DAB1: variants seen among roughly 807,000 people sequenced by gnomAD.
DAB1 encodes the protein disabled homolog 1.
A neutral mutation model predicts 64.6 loss-of-function variants in DAB1; 15 were observed. That is an observed-to-expected ratio of 0.23 (90% CI 0.16 to 0.36). The LOEUF is 0.36. Ranked by LOEUF, DAB1 falls within the 10% of genes least tolerant of loss-of-function variation. The pLI, the probability that DAB1 is intolerant of heterozygous loss-of-function variation, is 1.00. For synonymous variants in DAB1, 235 were observed against 251.9 expected (o/e 0.93, Z 0.64); for missense variants, 596 against 706.7 (o/e 0.84, Z 1.78).
intron 11 of DAB1, among the ~76,000 whole-genome samples, chr1:57,017,776 GC>G (rs1646482862): frequency 6.6e-6 from 1 of 152,216 alleles, no homozygotes; most frequent in Non-Finnish European, 1.5e-5. Flanking sequence ...CAAACGTGAA[GC>G]TTGCTTAGCT....
At chr1:57,163,352 G>A (rs999603428) in intron 2 of DAB1, among the ~76,000 whole-genome samples, 1 of 152,118 alleles carries the variant, frequency 6.6e-6, no homozygotes, top group Non-Finnish European at 1.5e-5. Flanking sequence ...TTTGAAAGGA[G>A]ATGTGAACAA....
At chr1:58,233,440 T>A (rs1038395799) in intron 4 of DAB1, among the ~76,000 whole-genome samples, 5 of 152,114 alleles carry the variant, frequency 3.3e-5, no homozygotes, top group Admixed American at 6.6e-5. Context: ...CCGATCACCA[T>A]ATGGAGCCCC....
At chr1:57,511,090 T>G (rs1644399986) in intron 7 of DAB1, among the ~76,000 whole-genome samples, 1 of 152,206 alleles carries the variant, frequency 6.6e-6, no homozygotes, top group Admixed American at 6.5e-5. Flanking sequence ...GACCATCTCT[T>G]GACTGGATGA....
intron 7 of DAB1, among the ~76,000 whole-genome samples, chr1:57,563,961 T>C (rs1474599875): frequency 1.3e-5 from 2 of 152,096 alleles, no homozygotes; most frequent in Non-Finnish European, 2.9e-5. Flanking sequence ...AGCAAGGAGT[T>C]TGAGATCTGA....
chr1:57,740,746 TTGTC>T (rs1647949285), intron 6 of DAB1, among the ~76,000 whole-genome samples: 1 of 152,212 alleles, frequency 6.6e-6, no homozygotes, highest in Admixed American at 6.5e-5. Flanking sequence ...GCGATTCTGA[TTGTC>T]TGCTGTCTTC....
intron 5 of DAB1, among the ~76,000 whole-genome samples, chr1:57,949,511 ATCTGTCTG>A (rs754240342): frequency 2.2e-5 from 3 of 137,128 alleles, no homozygotes; most frequent in South Asian, 2.4e-4. Context: ...ATCTATCTAT[ATCTGTCTG>A]TCTGTCTGTC....
chr1:57,557,064 G>A (rs973157578), intron 7 of DAB1, among the ~76,000 whole-genome samples: 6 of 152,110 alleles, frequency 3.9e-5, no homozygotes, highest in Admixed American at 6.6e-5. Context: ...TTGGATTGAA[G>A]GACATAAAGT....
rs1276442151 is a variant in DAB1 at position 57,111,824 on chromosome 1, T to C, written c.306+24719A>G. ...AATCCTTAGTGCTTATTATAGGTGA[T>C]CAATACATAGTTGCTGTATAGATAA... On this transcript the variant is annotated intron_variant, in intron 4 of 14. Coordinates refer to ENST00000371236, the MANE Select transcript of DAB1 (RefSeq NM_001365792.1). Among the ~76,000 whole-genome samples the C allele has an allele frequency of 3.9e-5, 6 of 152,306 alleles. No homozygotes were observed. The East Asian group carries it at 7.7e-4, about 20-fold the overall frequency.
chr1:58,039,788 T>C (rs775073409), intron 5 of DAB1, among the ~76,000 whole-genome samples: 167 of 152,266 alleles, frequency 1.1e-3, no homozygotes, highest in Middle Eastern at 3.4e-3. Context: ...TTTTCTCTTC[T>C]TTCTACAGGG....
intron 5 of DAB1, among the ~76,000 whole-genome samples, chr1:57,915,521 G>A (rs1644713255): frequency 6.6e-6 from 1 of 152,052 alleles, no homozygotes; most frequent in Admixed American, 6.5e-5. Context: ...GTAAGCCATT[G>A]AAATTTCATA....
At chr1:57,771,425 T>C (rs1319300782) in intron 6 of DAB1, among the ~76,000 whole-genome samples, 2 of 152,150 alleles carry the variant, frequency 1.3e-5, no homozygotes, top group African/African-American at 4.8e-5. Flanking sequence ...AGTGCTCTGA[T>C]TGGCTATTTG....
chr1:57,070,851 A>T, intron 7 of DAB1, 172 bp downstream of exon 7: 1 of 668,108 alleles, frequency 1.5e-6, no homozygotes, highest in Admixed American at 2.4e-5. Context: ...AACTTCTGTT[A>T]GTTTTTATGG....
chr1:58,132,114 C>T (rs1653635438), intron 5 of DAB1, among the ~76,000 whole-genome samples: 1 of 152,156 alleles, frequency 6.6e-6, no homozygotes, highest in African/African-American at 2.4e-5. Flanking sequence ...AGCGAGACTC[C>T]GTGGGCGTAG....
At chr1:57,611,734 C>T (rs2101602744) in intron 7 of DAB1, among the ~76,000 whole-genome samples, 1 of 152,256 alleles carries the variant, frequency 6.6e-6, no homozygotes, top group East Asian at 1.9e-4. Flanking sequence ...CTGTCCTGGG[C>T]CATCTGGCAG....
chr1:57,153,624 T>G (rs1238503014), intron 2 of DAB1, among the ~76,000 whole-genome samples: 5 of 115,302 alleles, frequency 4.3e-5, no homozygotes, highest in South Asian at 5.7e-4. Context: ...ATGTATGGGG[T>G]TTTTTTTTTG....
chr1:58,079,623 GC>G (rs1649871616), intron 5 of DAB1, among the ~76,000 whole-genome samples: 1 of 139,828 alleles, frequency 7.2e-6, no homozygotes, highest in Non-Finnish European at 1.5e-5. Flanking sequence ...CCCGGTTCAA[GC>G]AATTCTCTGC....
chr1:57,285,352 T>C (rs1672230160), intron 2 of DAB1, among the ~76,000 whole-genome samples: 1 of 152,190 alleles, frequency 6.6e-6, no homozygotes, highest in South Asian at 2.1e-4. Flanking sequence ...CACTGCAACC[T>C]CTGCCTCCCA....
chr1:58,074,555 T>TAC (rs1649496725), intron 5 of DAB1: 1 of 60,224 alleles, frequency 1.7e-5, no homozygotes, highest in Admixed American at 2.3e-4. Context: ...CACACATATA[T>TAC]ATATGTGTGT....
intron 5 of DAB1, among the ~76,000 whole-genome samples, chr1:58,104,568 A>T (rs1047173258): frequency 1.3e-5 from 2 of 152,186 alleles, no homozygotes; most frequent in African/African-American, 4.8e-5. Context: ...ACAGGAAGTG[A>T]GACAGCCGGT....
Sources: allele counts gnomAD v4.1 joint callset (sites outside exome capture counted in the v4.1 genomes callset), GRCh38; gene constraint gnomAD v4.1.1; transcripts MANE v1.5; gene names NCBI Gene and HGNC (gene_info 2026-07-23, HGNC 2026-07-21).